The following CADM1 variants were observed in gnomAD, a reference collection of about 807,000 sequenced individuals.
CADM1 encodes the protein cell adhesion molecule 1.
CADM1 carries 15 observed loss-of-function variants against 53.1 expected under a neutral mutation model. That is an observed-to-expected ratio of 0.28 (90% CI 0.19 to 0.44). The LOEUF (loss-of-function observed/expected upper bound fraction) is 0.44. CADM1 is among the 20% of genes least tolerant of loss of function. CADM1 has a pLI of 1.00. For synonymous variants in CADM1, 281 were observed against 243.0 expected, an observed-to-expected ratio of 1.16 and a Z score of -1.45; for missense variants, 434 against 611.3, an observed-to-expected ratio of 0.71 and a Z score of 3.06.
intron 1 of CADM1, among the ~76,000 whole-genome samples, chr11:115,252,436 T>C (rs565187634): frequency 2.0e-5 from 3 of 152,356 alleles, no homozygotes; most frequent in South Asian, 4.1e-4. Context: ...GGTTTAGCTA[T>C]AATTGTTTTA....
chr11:115,288,355 G>C (rs1174763047), intron 1 of CADM1, among the ~76,000 whole-genome samples: 1 of 152,058 alleles, frequency 6.6e-6, no homozygotes, highest in Non-Finnish European at 1.5e-5. Context: ...ACATTTCAAA[G>C]GAACGACAGG....
chr11:115,384,374 C>A (rs1946648836), intron 1 of CADM1, among the ~76,000 whole-genome samples: 1 of 152,154 alleles, frequency 6.6e-6, no homozygotes, highest in African/African-American at 2.4e-5. Flanking sequence ...CACACTCAAA[C>A]CCACATTGAC....
intron 1 of CADM1, among the ~76,000 whole-genome samples, chr11:115,337,839 G>C (rs1212684411): frequency 6.6e-6 from 1 of 152,142 alleles, no homozygotes; most frequent in African/African-American, 2.4e-5. Context: ...AAAATGTTAT[G>C]AGAGGGTCAT....
At chr11:115,394,233 A>T (rs1457215077) in intron 1 of CADM1, among the ~76,000 whole-genome samples, 1 of 152,244 alleles carries the variant, frequency 6.6e-6, no homozygotes, top group Non-Finnish European at 1.5e-5. Flanking sequence ...ATCTCTATCT[A>T]AAGCAAGTAT....
chr11:115,335,455 GTA>G (rs142917902), intron 1 of CADM1, among the ~76,000 whole-genome samples: 1,743 of 152,142 alleles, frequency 0.011, 35 homozygotes, highest in African/African-American at 0.039. Context: ...ATAGCCTCAT[GTA>G]TATATATAGT....
At chr11:115,235,564 C>T (rs1458833956) in intron 3 of CADM1, among the ~76,000 whole-genome samples, 1 of 152,158 alleles carries the variant, frequency 6.6e-6, no homozygotes, top group African/African-American at 2.4e-5. Flanking sequence ...TGTCAAGGTT[C>T]TTCTCAGCTA....
At chr11:115,492,774 T>C (rs1169345453) in intron 1 of CADM1, among the ~76,000 whole-genome samples, 1 of 152,172 alleles carries the variant, frequency 6.6e-6, no homozygotes, top group Non-Finnish European at 1.5e-5. Flanking sequence ...TACCCTCAGA[T>C]GTTAGACTGG....
intron 1 of CADM1, among the ~76,000 whole-genome samples, chr11:115,464,390 T>C (rs1231076953): frequency 6.6e-6 from 1 of 152,212 alleles, no homozygotes; most frequent in Non-Finnish European, 1.5e-5. Flanking sequence ...TAGGTTTATG[T>C]AGTGTACTGC....
At chr11:115,466,515 T>A (rs886705664) in intron 1 of CADM1, among the ~76,000 whole-genome samples, 2 of 152,092 alleles carry the variant, frequency 1.3e-5, no homozygotes, top group Admixed American at 6.6e-5. Flanking sequence ...CTGGCTAAGG[T>A]TTTTCAGGAA....
intron 1 of CADM1, among the ~76,000 whole-genome samples, chr11:115,321,715 A>G (rs185304788): frequency 1.3e-5 from 2 of 152,304 alleles, no homozygotes; most frequent in Non-Finnish European, 2.9e-5. Context: ...ACTGTCCTCC[A>G]AGATTTTCTG....
At chr11:115,212,151 C>A (rs1279630033) in intron 7 of CADM1, among the ~76,000 whole-genome samples, 1 of 152,184 alleles carries the variant, frequency 6.6e-6, no homozygotes, top group Non-Finnish European at 1.5e-5. Context: ...AGTTAATGAG[C>A]TGTGCTTGAC....
chr11:115,332,778 C>T (rs1945165834), intron 1 of CADM1, among the ~76,000 whole-genome samples: 1 of 151,858 alleles, frequency 6.6e-6, no homozygotes, highest in Non-Finnish European at 1.5e-5. Flanking sequence ...ATTTAAAGTC[C>T]TTGAGAAATA....
intron 1 of CADM1, among the ~76,000 whole-genome samples, chr11:115,337,359 A>G (rs192840092): frequency 3.9e-5 from 6 of 152,120 alleles, no homozygotes; most frequent in African/African-American, 1.4e-4. Flanking sequence ...TGTCTTCCAA[A>G]CTTACCAACT....
At chr11:115,260,579 G>C (rs144503503) in intron 1 of CADM1, among the ~76,000 whole-genome samples, 1 of 152,202 alleles carries the variant, frequency 6.6e-6, no homozygotes, top group Non-Finnish European at 1.5e-5. Context: ...GAGAATGACC[G>C]ACACTGATTG....
At chr11:115,329,601 G>GT (rs1945078446) in intron 1 of CADM1, among the ~76,000 whole-genome samples, 1 of 152,068 alleles carries the variant, frequency 6.6e-6, no homozygotes. Flanking sequence ...CTGGGTGCCC[G>GT]TGACTCCCAA....
intron 1 of CADM1, among the ~76,000 whole-genome samples, chr11:115,433,244 C>T (rs535983969): frequency 1.3e-5 from 2 of 152,302 alleles, no homozygotes; most frequent in Admixed American, 6.5e-5. Context: ...AATAACCACA[C>T]ATTTCTCCCT....
intron 1 of CADM1, among the ~76,000 whole-genome samples, chr11:115,323,259 G>A (rs1007385783): frequency 6.6e-6 from 1 of 152,016 alleles, no homozygotes; most frequent in African/African-American, 2.4e-5. Context: ...ATAATTTTGA[G>A]CAACTTTTAG....
chr11:115,436,529 G>A (rs752257805), intron 1 of CADM1, among the ~76,000 whole-genome samples: 3 of 152,112 alleles, frequency 2.0e-5, no homozygotes, highest in Non-Finnish European at 2.9e-5. Context: ...TCTTTTGTAC[G>A]AAAATACAGC....
At chr11:115,350,345 G>C (rs542916195) in intron 1 of CADM1, among the ~76,000 whole-genome samples, 7 of 152,312 alleles carry the variant, frequency 4.6e-5, no homozygotes, top group African/African-American at 1.7e-4. Context: ...GGTCAAAAGG[G>C]TGATTCAGGA....
Sources: allele counts gnomAD v4.1 joint callset (sites outside exome capture counted in the v4.1 genomes callset), GRCh38; gene constraint gnomAD v4.1.1; transcripts MANE v1.5; gene names NCBI Gene and HGNC (gene_info 2026-07-23, HGNC 2026-07-21).